Variants in DOCK2 observed in about 807,000 individuals in gnomAD.
DOCK2 encodes the protein dedicator of cytokinesis 2, also known as dedicator of cytokinesis protein 2.
Under a neutral mutation model 248.9 loss-of-function variants are expected in DOCK2, and 87 were observed. The ratio of observed to expected loss-of-function variants is 0.35; its 90% CI spans 0.29 to 0.42. DOCK2 has a LOEUF of 0.42. Among genes scored for constraint, DOCK2 ranks in the 10% least tolerant of loss-of-function variants. DOCK2 has a pLI of 1.00. For missense variants in DOCK2, 1,747 were observed against 2,300.2 expected (o/e 0.76, Z 4.92); for synonymous variants, 805 against 821.6 (o/e 0.98, Z 0.35).
intron 25 of DOCK2, among the ~76,000 whole-genome samples, chr5:169,776,388 T>C (rs1765385738): frequency 6.6e-6 from 1 of 151,928 alleles, no homozygotes; most frequent in Non-Finnish European, 1.5e-5. Context: ...TGGTCTTGAA[T>C]TCCTAGCCTC....
At chr5:170,067,357 C>T (rs1300775346) in intron 44 of DOCK2, among the ~76,000 whole-genome samples, 153 bp from the exon 45 acceptor site, 1 of 152,134 alleles carries the variant, frequency 6.6e-6, no homozygotes, top group Non-Finnish European at 1.5e-5. Context: ...CAGACAGCCC[C>T]CAGAGCTCAG....
intron 30 of DOCK2, among the ~76,000 whole-genome samples, chr5:170,002,066 C>T (rs1581518513): frequency 6.6e-6 from 1 of 152,284 alleles, no homozygotes; most frequent in Non-Finnish European, 1.5e-5. Flanking sequence ...CCCTGGAAGG[C>T]AACCTGACAG....
intron 40 of DOCK2, 112 bp downstream of exon 40, chr5:170,047,726 G>C: frequency 1.1e-6 from 1 of 919,260 alleles, no homozygotes; most frequent in Non-Finnish European, 1.6e-6. Flanking sequence ...GCTCTTCTCT[G>C]TCTGAGTGCT....
chr5:169,799,404 C>T (rs1467490020), intron 25 of DOCK2, among the ~76,000 whole-genome samples: 2 of 152,132 alleles, frequency 1.3e-5, no homozygotes, highest in Non-Finnish European at 2.9e-5. Context: ...TTATTCGTAT[C>T]CCAATGACAA....
At chr5:169,733,073 A>G (rs1762863889) in intron 22 of DOCK2, among the ~76,000 whole-genome samples, 1 of 152,084 alleles carries the variant, frequency 6.6e-6, no homozygotes, top group Non-Finnish European at 1.5e-5. Flanking sequence ...GTGATGACTG[A>G]TGTTTTGAAT....
At chr5:169,642,332 G>A (rs1757197129) in intron 1 of DOCK2, among the ~76,000 whole-genome samples, 1 of 152,144 alleles carries the variant, frequency 6.6e-6, no homozygotes, top group African/African-American at 2.4e-5. Context: ...CTATCCTTCT[G>A]GAGCCTGTAG....
intron 44 of DOCK2, among the ~76,000 whole-genome samples, chr5:170,060,108 A>G (rs1581565637): frequency 1.3e-5 from 2 of 152,124 alleles, no homozygotes; most frequent in Non-Finnish European, 2.9e-5. Context: ...ATAGACAGGC[A>G]TTTTCTGATG....
intron 27 of DOCK2, chr5:169,864,184 A>G (rs261028): frequency 0.13 from 163,837 of 1,216,486 alleles, 14,940 homozygotes; most frequent in African/African-American, 0.44. Context: ...GGGCCTTTGC[A>G]AAGAAGCAGG....
At chr5:169,982,432 T>G (rs764867901) in intron 27 of DOCK2, among the ~76,000 whole-genome samples, 24 of 152,216 alleles carry the variant, frequency 1.6e-4, no homozygotes, top group Non-Finnish European at 2.8e-4. Flanking sequence ...TGCCTTGATT[T>G]CCCTCTTCTT....
intron 22 of DOCK2, among the ~76,000 whole-genome samples, chr5:169,743,550 T>C (rs922300895): frequency 6.6e-6 from 1 of 152,222 alleles, no homozygotes; most frequent in Non-Finnish European, 1.5e-5. Context: ...AAAATAATTA[T>C]CTCATGTTTT....
chr5:169,974,832 C>A (rs894667643), intron 27 of DOCK2, among the ~76,000 whole-genome samples: 3 of 150,514 alleles, frequency 2.0e-5, no homozygotes, highest in Non-Finnish European at 4.4e-5. Context: ...TATTTGTGAC[C>A]CCCCTCCCCC....
intron 28 of DOCK2, among the ~76,000 whole-genome samples, chr5:169,985,177 G>A (rs892510072): frequency 6.6e-6 from 1 of 152,106 alleles, no homozygotes; most frequent in Non-Finnish European, 1.5e-5. Context: ...TGCTGGGATT[G>A]CAGGTGGGAG....
intron 27 of DOCK2, among the ~76,000 whole-genome samples, chr5:169,892,819 C>T (rs1773374760): frequency 6.6e-6 from 1 of 152,334 alleles, no homozygotes; most frequent in East Asian, 1.9e-4. Context: ...TGAAAGGTTA[C>T]AAATCTAGCT....
chr5:169,944,521 A>C (rs1776370291), intron 27 of DOCK2, among the ~76,000 whole-genome samples: 1 of 152,230 alleles, frequency 6.6e-6, no homozygotes, highest in African/African-American at 2.4e-5. Context: ...AGTGAATACC[A>C]GGGAGGCTTT....
intron 27 of DOCK2, among the ~76,000 whole-genome samples, chr5:169,910,047 G>A (rs1355873777): frequency 6.6e-6 from 1 of 152,100 alleles, no homozygotes; most frequent in Non-Finnish European, 1.5e-5. Flanking sequence ...AATTTGCCAT[G>A]AGGACACTTA....
At chr5:169,971,840 T>C (rs1777518930) in intron 27 of DOCK2, among the ~76,000 whole-genome samples, 1 of 152,228 alleles carries the variant, frequency 6.6e-6, no homozygotes, top group Admixed American at 6.5e-5. Flanking sequence ...ATATCTCTCG[T>C]AGTTACCCAT....
At chr5:169,819,642 G>A (rs186332218) in intron 26 of DOCK2, among the ~76,000 whole-genome samples, 271 of 152,220 alleles carry the variant, frequency 1.8e-3, no homozygotes, top group African/African-American at 6.0e-3. Context: ...AACAGATTGG[G>A]TTCCAAGATA....
chr5:169,833,841 T>C (rs1199962760), intron 26 of DOCK2, among the ~76,000 whole-genome samples: 1 of 152,212 alleles, frequency 6.6e-6, no homozygotes, highest in Non-Finnish European at 1.5e-5. Context: ...TGTGAAATCC[T>C]AGCAGTCCAA....
At chr5:169,773,849 A>G (rs1289937013) in intron 25 of DOCK2, among the ~76,000 whole-genome samples, 2 of 152,112 alleles carry the variant, frequency 1.3e-5, no homozygotes, top group Non-Finnish European at 2.9e-5. Context: ...ATGGTAGTGA[A>G]TAAGTCTCAC....
Sources: gnomAD v4.1 joint callset for allele counts (sites outside exome capture counted in the v4.1 genomes callset) on GRCh38, gnomAD v4.1.1 for gene constraint, MANE v1.5 for transcripts, NCBI Gene and HGNC (gene_info 2026-07-23, HGNC 2026-07-21) for gene names.